The following UGGT2 variants were observed in gnomAD, a reference collection of about 807,000 sequenced individuals.
The protein encoded by UGGT2 is UDP-glucose:glycoprotein glucosyltransferase 2.
Under a neutral mutation model 192.1 loss-of-function variants are expected in UGGT2, and 180 were observed. That is an observed-to-expected ratio of 0.94 (90% CI 0.83 to 1.06). The LOEUF (loss-of-function observed/expected upper bound fraction) is 1.06, where lower values mean the gene tolerates loss of function less well. UGGT2 is among the 50% of genes least tolerant of loss of function. The pLI, the probability that UGGT2 is intolerant of heterozygous loss-of-function variation, is 0.00. For missense variants in UGGT2, 1,849 were observed against 1,795.7 expected, an observed-to-expected ratio of 1.03 and a Z score of -0.54; for synonymous variants, 580 against 591.0, an observed-to-expected ratio of 0.98 and a Z score of 0.27.
At chr13:95,943,506 G>C (rs1008401252) in intron 15 of UGGT2, among the ~76,000 whole-genome samples, 1 of 151,966 alleles carries the variant, frequency 6.6e-6, no homozygotes, top group African/African-American at 2.4e-5. Flanking sequence ...AGGATTGTTG[G>C]CTATATATGT....
At chr13:95,985,342 A>C (rs1434596622) in intron 9 of UGGT2, 1 of 1,189,030 alleles carries the variant, frequency 8.4e-7, no homozygotes, top group Non-Finnish European at 1.1e-6. Flanking sequence ...CTTAATCTGT[A>C]AATAAGGAAA....
At chr13:95,933,863 T>C (rs2049371984) in intron 17 of UGGT2, among the ~76,000 whole-genome samples, 1 of 151,934 alleles carries the variant, frequency 6.6e-6, no homozygotes, top group African/African-American at 2.4e-5. Flanking sequence ...TTTTTGTACT[T>C]TTAGTAGAGA....
At chr13:95,868,880 ACT>A (rs1190344603) in intron 29 of UGGT2, among the ~76,000 whole-genome samples, 3 of 151,372 alleles carry the variant, frequency 2.0e-5, no homozygotes, top group South Asian at 2.1e-4. Context: ...TACTTCAGGC[ACT>A]GTTTTTTTTT....
At chr13:96,028,848 A>G (rs1236355497) in intron 2 of UGGT2, among the ~76,000 whole-genome samples, 1 of 152,180 alleles carries the variant, frequency 6.6e-6, no homozygotes, top group Admixed American at 6.5e-5. Context: ...CAAATTCAGT[A>G]AAATCTGCTC....
At chr13:96,052,544 C>A (rs2053515777) in intron 1 of UGGT2, among the ~76,000 whole-genome samples, 1 of 151,992 alleles carries the variant, frequency 6.6e-6, no homozygotes, top group Admixed American at 6.5e-5. Context: ...TTTAGGGACA[C>A]ACACTGTTGC....
At chr13:95,877,907 CA>C (rs1566626251) in intron 27 of UGGT2, 51 bp from the exon 28 acceptor site, 1 of 1,516,732 alleles carries the variant, frequency 6.6e-7, no homozygotes, top group Admixed American at 2.0e-5. Flanking sequence ...ACTCATAATA[CA>C]AAATTTTGAA....
At chr13:95,877,135 G>T in intron 29 of UGGT2, 144 bp downstream of exon 29, 1 of 601,076 alleles carries the variant, frequency 1.7e-6, no homozygotes, top group Non-Finnish European at 2.7e-6. Context: ...GCCTGCCTCG[G>T]CCTACCAAAG....
In UGGT2 at chr13:95,806,727, A is replaced by G. The variant is rs149915974; in HGVS notation, c.4529-4915T>C. Among the ~76,000 whole-genome samples the G allele has an allele frequency of 3.3e-4, 50 of 152,294 alleles. No individual in the cohort carries two copies. The East Asian group carries it at 3.9e-3, about 12-fold the overall frequency. On this transcript the variant is annotated intron_variant, in intron 38 of 38. Transcript: ENST00000376747. The stretch of plus-strand genomic sequence containing the variant: ...TAAAGGAATAGAGAGCCCAGAAATA[A>G]ATCCTTGCATATATGATCAAATGAT...
At chr13:96,013,627 T>C in intron 4 of UGGT2, 146 bp from the exon 5 acceptor site, 1 of 518,152 alleles carries the variant, frequency 1.9e-6, no homozygotes, top group Non-Finnish European at 3.0e-6. Flanking sequence ...TTTGTACACA[T>C]AACTTGAACT....
At chr13:95,938,267 G>A (rs778807631) in intron 16 of UGGT2, among the ~76,000 whole-genome samples, 8 of 152,116 alleles carry the variant, frequency 5.3e-5, no homozygotes, top group African/African-American at 1.4e-4. Context: ...TGTCAGATAC[G>A]GAGTTAGAGA....
intron 20 of UGGT2, among the ~76,000 whole-genome samples, chr13:95,906,441 A>C (rs1248100164): frequency 6.6e-6 from 1 of 152,168 alleles, no homozygotes; most frequent in East Asian, 1.9e-4. Context: ...AGAATGTAAA[A>C]AGACTGAAAA....
chr13:95,823,717 A>G lies in UGGT2; in HGVS notation c.4528+9210T>C, dbSNP rs567403721. On this transcript the variant is annotated intron_variant, in intron 38 of 38. Coordinates refer to ENST00000376747, the MANE Select transcript of UGGT2 (RefSeq NM_020121.4). ...TTGTGATTTTTAAATTCATTCTGCC[A>G]TTCTATATCTTTTAATTGGAGCATT... Among the ~76,000 whole-genome samples the G allele has an allele frequency of 5.3e-5, 8 of 152,224 alleles. No homozygotes were observed. In the South Asian group the frequency reaches 1.4e-3, roughly 28 times the overall value.
chr13:95,948,000 G>A lies in UGGT2; in HGVS notation c.1537C>T (p.Leu513Phe), dbSNP rs780057834. 6.2e-7 allele frequency: 1 copy of A among 1,611,070 alleles called. No individual in the cohort carries two copies. The highest frequency in any genetic ancestry group is 8.5e-7 in the Non-Finnish European group (1 of 1,177,926). Residue 513 changes from leucine to phenylalanine, a missense_variant, in exon 14 of 39, where the codon CTT becomes TTT. By Grantham distance (22) the Leu-to-Phe change is conservative. Transcript: ENST00000376747. ...ATGCTATAAAATGACAATTACCTAA[G>A]AGGAACTTCGTGAGAATAGAAAACA... is the stretch of plus-strand genomic sequence containing the variant. The part of the protein sequence containing the change: ...ADVFYSHEVP[L>F]RIGFVFILNT...
At position 96,013,406 on chromosome 13, in the gene UGGT2, A is replaced by G; in HGVS notation, c.561T>C (p.Tyr187=). 6.2e-7 allele frequency: 1 copy of G among 1,608,696 alleles called. No homozygotes were observed. Residue 187 remains tyrosine, a synonymous_variant, in exon 5 of 39, where the codon TAT becomes TAC. Coordinates refer to ENST00000376747, the MANE Select transcript of UGGT2 (RefSeq NM_020121.4). Reference sequence around the variant, plus strand: ...TAAATGTTCTAGTACCCATTTCGGCATAGAGAATCACCACTGGTAAGTTCT... The same window carrying G: ...TAAATGTTCTAGTACCCATTTCGGCGTAGAGAATCACCACTGGTAAGTTCT... ...NKENLPVVIL[Y]AEMGTRTFSA...
At chr13:95,850,051 G>T (rs1362194320) in intron 36 of UGGT2, among the ~76,000 whole-genome samples, 1 of 151,462 alleles carries the variant, frequency 6.6e-6, no homozygotes, top group East Asian at 1.9e-4. Context: ...CATTAGCCAA[G>T]ACCTTACTTT....
chr13:95,965,619 C>T (rs967501093), intron 12 of UGGT2, among the ~76,000 whole-genome samples: 2 of 148,744 alleles, frequency 1.3e-5, no homozygotes, highest in Non-Finnish European at 3.0e-5. Flanking sequence ...GGAGGAATAG[C>T]ATTAGGTGAT....
chr13:95,885,221 C>T lies in UGGT2; in HGVS notation c.3039-541G>A, dbSNP rs142279407. ...CAGTTTTGCTGTATTTTAACCTCAT[C>T]CTTCAATATTGTGCACAGAATTATT... is the stretch of plus-strand genomic sequence containing the variant. On this transcript the variant is annotated intron_variant, in intron 26 of 38. Transcript: ENST00000376747. Among the ~76,000 whole-genome samples the T allele has an allele frequency of 3.9e-4, 60 of 151,974 alleles. 1 individual carries two copies. Among genetic ancestry groups the T allele is most frequent in the African/African-American group, 1.4e-3 (58 of 41,434 alleles).
chr13:96,025,799 A>T (rs1171495197), intron 2 of UGGT2, among the ~76,000 whole-genome samples: 1 of 152,236 alleles, frequency 6.6e-6, no homozygotes, highest in East Asian at 1.9e-4. Context: ...GAAAGAATAC[A>T]AATAAGAACT....
Position 95,902,947 on chromosome 13 carries a change from G to T in UGGT2, c.2409C>A (p.Asn803Lys), listed in dbSNP as rs958775498. ...GCCCAAGAAAGCTTCTCAAAAACATGTTCTTCTGTGTAAGAAAAGCTGCCA... is the reference window on the plus strand; with the variant it reads ...GCCCAAGAAAGCTTCTCAAAAACATTTTCTTCTGTGTAAGAAAAGCTGCCA... Reference protein sequence around the residue: ...GILAAFLTQKNMFLRSFLGQL... With the variant: ...GILAAFLTQKKMFLRSFLGQL... The change falls in exon 21 of 39, where the codon AAC (asparagine) becomes AAA (lysine). Residue 803 changes from asparagine to lysine, a missense_variant. Coordinates refer to ENST00000376747, the MANE Select transcript of UGGT2 (RefSeq NM_020121.4). 11 of 1,613,538 alleles carry T rather than the reference G, an allele frequency of 6.8e-6. No individual in the cohort carries two copies. The highest frequency in any genetic ancestry group is 7.6e-6 in the Non-Finnish European group (9 of 1,179,678).
Sources: allele counts gnomAD v4.1 joint callset (sites outside exome capture counted in the v4.1 genomes callset), GRCh38; gene constraint gnomAD v4.1.1; transcripts MANE v1.5; gene names NCBI Gene and HGNC (gene_info 2026-07-23, HGNC 2026-07-21).